GRK4: variants seen among roughly 807,000 people sequenced by gnomAD.
The protein encoded by GRK4 is G protein-coupled receptor kinase 2-like.
GRK4 carries 73 observed loss-of-function variants against 77.9 expected under a neutral mutation model. The ratio of observed to expected loss-of-function variants is 0.94; its 90% CI spans 0.78 to 1.14. The LOEUF is 1.14. Among genes scored for constraint, GRK4 ranks in the 50% most tolerant of loss-of-function variants. The probability of loss-of-function intolerance (pLI) is 0.00; values close to 1 mark genes in which losing one functional copy is unlikely to be tolerated. For synonymous variants in GRK4, 257 were observed against 254.4 expected, an observed-to-expected ratio of 1.01 and a Z score of -0.10; for missense variants, 729 against 700.2, an observed-to-expected ratio of 1.04 and a Z score of -0.46.
At position 3,013,889 on chromosome 4, in the gene GRK4, G is replaced by C. The variant is rs1187584576; in HGVS notation, c.741+61G>C. 3 of 1,502,288 alleles carry C rather than the reference G, an allele frequency of 2.0e-6. No homozygotes were observed. The Admixed American group carries it at 6.4e-5, about 32-fold the overall frequency. 93.1% of individuals were successfully genotyped at this position (1,502,288 alleles called of 1,614,324 possible). A position where few individuals can be genotyped will look rare whatever the true frequency, so the allele number is the denominator to read the frequency against. On this transcript the variant is annotated intron_variant, in intron 8 of 15. Coordinates refer to ENST00000398052, the MANE Select transcript of GRK4 (RefSeq NM_182982.3). ...TTGATTCATAGCACTTTTGTCAGCCGACATGCCGCTCAGCTCACGCTCACT... is the reference window on the plus strand; with the variant it reads ...TTGATTCATAGCACTTTTGTCAGCCCACATGCCGCTCAGCTCACGCTCACT...
At chr4:3,011,568 C>T (rs1304529874) in intron 7 of GRK4, among the ~76,000 whole-genome samples, 6 of 152,224 alleles carry the variant, frequency 3.9e-5, no homozygotes, top group African/African-American at 1.4e-4. Flanking sequence ...TTCCCACAGA[C>T]TTGCTCTGGA....
intron 4 of GRK4, among the ~76,000 whole-genome samples, chr4:2,994,506 C>T (rs186964375): frequency 1.4e-4 from 21 of 152,254 alleles, no homozygotes; most frequent in Admixed American, 1.3e-3. Flanking sequence ...CCACTACACC[C>T]GGCTCCATTT....
At chr4:3,037,224 C>G in intron 13 of GRK4, 150 bp from the exon 14 acceptor site, 1 of 763,184 alleles carries the variant, frequency 1.3e-6, no homozygotes, top group African/African-American at 1.7e-5. Context: ...TTAGAAAATG[C>G]CTCAAGTGAG....
chr4:3,036,707 A>AG (rs775984971), intron 13 of GRK4, among the ~76,000 whole-genome samples: 1 of 152,168 alleles, frequency 6.6e-6, no homozygotes, highest in Non-Finnish European at 1.5e-5. Flanking sequence ...CCTGTCCCAG[A>AG]GGAGGGACCT....
At chr4:2,999,466 C>T (rs188626055) in intron 4 of GRK4, among the ~76,000 whole-genome samples, 11 of 152,288 alleles carry the variant, frequency 7.2e-5, no homozygotes, top group South Asian at 2.1e-4. Flanking sequence ...CACATCCAAA[C>T]GATAACACAT....
intron 11 of GRK4, among the ~76,000 whole-genome samples, 163 bp from the exon 12 acceptor site, chr4:3,029,038 C>T (rs1366766201): frequency 6.6e-6 from 1 of 152,188 alleles, no homozygotes; most frequent in Non-Finnish European, 1.5e-5. Context: ...TCCCAAAATG[C>T]TGGGATTATA....
chr4:2,974,901 C>T (rs550427867), intron 1 of GRK4, among the ~76,000 whole-genome samples: 7 of 152,318 alleles, frequency 4.6e-5, no homozygotes, highest in African/African-American at 1.4e-4. Flanking sequence ...AATGGGAGTG[C>T]GTCTTGAGTT....
intron 8 of GRK4, among the ~76,000 whole-genome samples, chr4:3,017,632 C>T (rs1249203884): frequency 6.6e-6 from 1 of 152,184 alleles, no homozygotes; most frequent in Non-Finnish European, 1.5e-5. Flanking sequence ...TCCTCTCCTC[C>T]ATTCTCAGCA....
At chr4:3,037,591 G>A (rs1359510214) in intron 14 of GRK4, 80 bp downstream of exon 14, 4 of 1,467,160 alleles carry the variant, frequency 2.7e-6, no homozygotes, top group Non-Finnish European at 3.7e-6. Context: ...GTCCGTGTGT[G>A]TGTGTGTGTC....
At chr4:3,026,359 C>T (rs1050157863) in intron 10 of GRK4, among the ~76,000 whole-genome samples, 1 of 151,960 alleles carries the variant, frequency 6.6e-6, no homozygotes, top group African/African-American at 2.4e-5. Flanking sequence ...TTTAAAAATC[C>T]ATTTTTATAA....
chr4:3,006,736 A>G (rs779213457), intron 5 of GRK4, among the ~76,000 whole-genome samples: 51 of 151,760 alleles, frequency 3.4e-4, no homozygotes, highest in Non-Finnish European at 5.4e-4. Context: ...CCTCACCACT[A>G]CCCTCCAGCC....
At chr4:3,019,599 G>T (rs1735504823) in intron 8 of GRK4, 42 bp from the exon 9 acceptor site, 1 of 1,489,954 alleles carries the variant, frequency 6.7e-7, no homozygotes, top group South Asian at 1.2e-5. Flanking sequence ...ACCAATGAAA[G>T]AGCAAGTTCG....
intron 1 of GRK4, among the ~76,000 whole-genome samples, chr4:2,979,348 C>T (rs1457803203): frequency 7.1e-6 from 1 of 141,104 alleles, no homozygotes; most frequent in Admixed American, 7.4e-5. Context: ...AGGTTGCAAT[C>T]ATCTGAGATG....
chr4:2,988,518 C>T (rs527257609), intron 2 of GRK4, among the ~76,000 whole-genome samples: 92 of 152,068 alleles, frequency 6.0e-4, no homozygotes, highest in Non-Finnish European at 1.1e-3. Flanking sequence ...CTGCAGTGAG[C>T]GGAGATTGTA....
intron 1 of GRK4, among the ~76,000 whole-genome samples, chr4:2,973,963 C>T (rs115746468): frequency 1.2e-3 from 185 of 152,288 alleles, no homozygotes; most frequent in African/African-American, 4.1e-3. Flanking sequence ...TTTTTTCTTA[C>T]GGGGCTTGTT....
intron 13 of GRK4, among the ~76,000 whole-genome samples, chr4:3,037,153 C>A (rs17779945): frequency 0.029 from 4,385 of 151,172 alleles, 114 homozygotes; most frequent in Non-Finnish European, 0.047. Flanking sequence ...ACAGACAGTA[C>A]CACAAAATTG....
intron 6 of GRK4, among the ~76,000 whole-genome samples, 180 bp downstream of exon 6, chr4:3,008,008 C>T (rs1398889454): frequency 6.6e-6 from 1 of 152,086 alleles, no homozygotes; most frequent in East Asian, 1.9e-4. Flanking sequence ...AGCAAGACCC[C>T]ATCTCTAATA....
At chr4:2,978,142 A>C (rs1354659323) in intron 1 of GRK4, among the ~76,000 whole-genome samples, 1 of 152,244 alleles carries the variant, frequency 6.6e-6, no homozygotes, top group African/African-American at 2.4e-5. Flanking sequence ...CAGTTGCTGT[A>C]TTAATCTATC....
chr4:3,036,170 T>C (rs1435026365), intron 13 of GRK4, among the ~76,000 whole-genome samples: 1 of 152,240 alleles, frequency 6.6e-6, no homozygotes, highest in African/African-American at 2.4e-5. Flanking sequence ...CTCATTCTTG[T>C]GTTTCCCACA....
Sources: gnomAD v4.1 joint callset for allele counts (sites outside exome capture counted in the v4.1 genomes callset) on GRCh38, gnomAD v4.1.1 for gene constraint, MANE v1.5 for transcripts, NCBI Gene and HGNC (gene_info 2026-07-23, HGNC 2026-07-21) for gene names.